Variants in GPT2 observed in about 807,000 individuals in gnomAD.
The protein encoded by GPT2 is glutamic--pyruvic transaminase 2, also known as alanine aminotransferase 2.
GPT2 carries 30 observed loss-of-function variants against 56.9 expected under a neutral mutation model. The ratio of observed to expected loss-of-function variants is 0.53; its 90% CI spans 0.39 to 0.72. GPT2 has a LOEUF of 0.72. Among genes scored for constraint, GPT2 ranks in the 30% least tolerant of loss-of-function variants. The pLI, the probability that GPT2 is intolerant of heterozygous loss-of-function variation, is 0.00. For missense variants in GPT2, 542 were observed against 703.4 expected, an observed-to-expected ratio of 0.77 and a Z score of 2.60; for synonymous variants, 271 against 283.1, an observed-to-expected ratio of 0.96 and a Z score of 0.43.
At chr16:46,925,245 G>A (rs1316009536) in intron 10 of GPT2, among the ~76,000 whole-genome samples, 5 of 151,378 alleles carry the variant, frequency 3.3e-5, no homozygotes, top group Admixed American at 6.6e-5. Context: ...TTTCTGAGAC[G>A]GAGTCTTGCT....
At chr16:46,914,118 C>G (rs1009012856) in intron 6 of GPT2, among the ~76,000 whole-genome samples, 2 of 152,178 alleles carry the variant, frequency 1.3e-5, no homozygotes, top group African/African-American at 2.4e-5. Flanking sequence ...ACACTCAAAG[C>G]AGGTCTCAGG....
rs560277213 is a variant in GPT2, at chr16:46,907,083, G to A, written c.576+108G>A. 68 of 1,476,682 alleles carry A rather than the reference G, an allele frequency of 4.6e-5. No individual in the cohort carries two copies. In the Admixed American group the frequency reaches 5.1e-4, roughly 11 times the overall value. The allele number at this position is 1,476,682 out of a possible 1,614,324, so 91.5% of individuals were successfully genotyped here. On this transcript the variant is annotated intron_variant, in intron 5 of 11. Coordinates refer to ENST00000340124, the MANE Select transcript of GPT2 (RefSeq NM_133443.4). ...TGGCTAGCAGGGAGGGTGGCAGCAC[G>A]GGTGGCCACCCTCTGGTCCCCCAGC...
chr16:46,905,604 C>G (rs1279337440), intron 4 of GPT2, among the ~76,000 whole-genome samples: 1 of 152,224 alleles, frequency 6.6e-6, no homozygotes, highest in African/African-American at 2.4e-5. Flanking sequence ...AGGGAATTCA[C>G]CTCACCAGTT....
intron 3 of GPT2, among the ~76,000 whole-genome samples, chr16:46,899,528 G>A (rs1159886277): frequency 1.3e-5 from 2 of 152,204 alleles, no homozygotes; most frequent in Non-Finnish European, 2.9e-5. Context: ...GCCCTGGTCT[G>A]AGGGGCGCTC....
At position 46,909,848 on chromosome 16, in the gene GPT2, G is replaced by A. The variant is rs1961011065; in HGVS notation, c.741G>A (p.Glu247=). 1.2e-6 allele frequency: 2 copies of A among 1,614,162 alleles called. No individual in the cohort carries two copies. Among genetic ancestry groups the A allele is most frequent in the Non-Finnish European group, 1.7e-6 (2 of 1,180,038 alleles). The part of the protein sequence containing the change: ...EENCWALNVN[E]LRRAVQEAKD... ...ACTGCTGGGCGCTGAATGTGAATGA[G>A]CTCCGGCGGGCGGTGCAGGAGGCCA... The change falls in exon 6 of 12, where the codon GAG becomes GAA. Residue 247 remains glutamate (E), a synonymous_variant. Transcript: ENST00000340124.
At chr16:46,888,477 G>A (rs961439252) in intron 2 of GPT2, among the ~76,000 whole-genome samples, 6 of 152,152 alleles carry the variant, frequency 3.9e-5, no homozygotes, top group African/African-American at 1.4e-4. Context: ...CTCCCGAGTA[G>A]CTGGGATTAC....
intron 6 of GPT2, among the ~76,000 whole-genome samples, chr16:46,912,290 G>GC (rs2143489202): frequency 6.6e-6 from 1 of 152,290 alleles, no homozygotes; most frequent in South Asian, 2.1e-4. Context: ...TGTCACAGGA[G>GC]CCTCGGTACC....
rs1207432483 is a variant in GPT2 at position 46,931,031 on chromosome 16, C to G, written c.*2034C>G. ...CTTGGAAGTTACATCTGTGAAGTTT[C>G]TGTCATTCGTCCAGATCTGTGTGTG... On this transcript the variant is annotated 3_prime_UTR_variant, in exon 12 of 12. Transcript: ENST00000340124. The G allele has an allele frequency of 6.6e-6, 1 of 152,410 alleles. No homozygotes were observed. The highest frequency in any genetic ancestry group is 1.5e-5 in the Non-Finnish European group (1 of 68,044). The allele number at this position is 152,410 out of a possible 1,614,324, so 9.4% of individuals were successfully genotyped here.
chr16:46,902,408 A>G (rs1303577272), intron 4 of GPT2, among the ~76,000 whole-genome samples: 1 of 152,156 alleles, frequency 6.6e-6, no homozygotes, highest in African/African-American at 2.4e-5. Context: ...TGTTAGCTGT[A>G]GACAAGCCCT....
Position 46,902,208 on chromosome 16 carries a change from C to T in GPT2, c.442+1418C>T, listed in dbSNP as rs1440620414. Among the ~76,000 whole-genome samples the T allele has an allele frequency of 2.0e-5, 3 of 152,118 alleles. No individual in the cohort carries two copies. The East Asian group carries it at 5.8e-4, about 29-fold the overall frequency. On this transcript the variant is annotated intron_variant, in intron 4 of 11. Transcript: ENST00000340124. ...CTGAGAGACTGTGTCCCTGTGAGTT[C>T]CCTCGTGGGGTATTACAGCAAAAGA...
At chr16:46,896,977 G>T (rs893963725) in intron 2 of GPT2, among the ~76,000 whole-genome samples, 7 of 152,170 alleles carry the variant, frequency 4.6e-5, no homozygotes, top group Non-Finnish European at 8.8e-5. Context: ...GCGGAGGATC[G>T]CCTGAGCCCA....
intron 4 of GPT2, among the ~76,000 whole-genome samples, chr16:46,905,893 C>T (rs907927795): frequency 6.6e-6 from 1 of 151,996 alleles, no homozygotes; most frequent in Non-Finnish European, 1.5e-5. Context: ...CAGGACCATT[C>T]GTTAGTTTTA....
In GPT2 at chr16:46,884,745, G is replaced by T; in HGVS notation, c.30G>T (p.Arg10=). 1 of 1,413,180 alleles carries T rather than the reference G, an allele frequency of 7.1e-7. No homozygotes were observed. 87.5% of individuals were successfully genotyped at this position (1,413,180 alleles called of 1,614,324 possible). The part of the protein sequence containing the change: MQRAAALVR[R]GCGPRTPSSW... Reference sequence around the variant, plus strand: ...AGCGGGCGGCGGCGCTGGTCCGGCGGGGCTGTGGTCCCCGGACCCCCAGCT... The same window carrying T: ...AGCGGGCGGCGGCGCTGGTCCGGCGTGGCTGTGGTCCCCGGACCCCCAGCT... The change falls in exon 2 of 12, where the codon CGG becomes CGT. Residue 10 remains arginine (R), a synonymous_variant. Transcript: ENST00000340124.
At chr16:46,900,408 G>A (rs1960793181) in intron 3 of GPT2, among the ~76,000 whole-genome samples, 1 of 152,138 alleles carries the variant, frequency 6.6e-6, no homozygotes, top group Non-Finnish European at 1.5e-5. Context: ...AAGAGCTTGG[G>A]CCAGGGGCGA....
intron 8 of GPT2, among the ~76,000 whole-genome samples, chr16:46,921,797 G>A (rs1445123380): frequency 6.6e-6 from 1 of 152,082 alleles, no homozygotes; most frequent in Non-Finnish European, 1.5e-5. Context: ...TGGGAGGATC[G>A]CTTGAGGCCA....
chr16:46,892,563 T>C (rs1960605791), intron 2 of GPT2, among the ~76,000 whole-genome samples: 1 of 152,166 alleles, frequency 6.6e-6, no homozygotes, highest in Non-Finnish European at 1.5e-5. Context: ...GCGTGCAGGG[T>C]TCCCTTTCCC....
chr16:46,910,380 C>CAAAAAAAAAA (rs4039999), intron 6 of GPT2, among the ~76,000 whole-genome samples: 2 of 46,480 alleles, frequency 4.3e-5, no homozygotes, highest in African/African-American at 2.1e-4. Context: ...GACTCTGTCT[C>CAAAAAAAAAA]AAAAAAAAAA....
At chr16:46,918,347 G>A (rs1480887423) in intron 7 of GPT2, among the ~76,000 whole-genome samples, 1 of 152,210 alleles carries the variant, frequency 6.6e-6, no homozygotes, top group African/African-American at 2.4e-5. Context: ...TGGTCAGATG[G>A]GGTGGAAGGG....
intron 4 of GPT2, among the ~76,000 whole-genome samples, chr16:46,902,348 G>A (rs1241321275): frequency 6.6e-6 from 1 of 152,150 alleles, no homozygotes; most frequent in Non-Finnish European, 1.5e-5. Context: ...GAAGTACTTT[G>A]TACCCACCTC....
Sources: allele counts gnomAD v4.1 joint callset (sites outside exome capture counted in the v4.1 genomes callset), GRCh38; gene constraint gnomAD v4.1.1; transcripts MANE v1.5; gene names NCBI Gene and HGNC (gene_info 2026-07-23, HGNC 2026-07-21).